The following LOC128125817 variants were observed in gnomAD, a reference collection of about 807,000 sequenced individuals.
At chr1:41,623,232 T>C in the LOC128125817 span, among the ~76,000 whole-genome samples, 2 of 152,252 alleles carry the variant, frequency 1.3e-5, no homozygotes, top group African/African-American at 4.8e-5. Flanking sequence ...GTGTGGCTAT[T>C]TTGGAGAAGC....
At chr1:41,596,162 A>G in the LOC128125817 span, among the ~76,000 whole-genome samples, 18 of 152,118 alleles carry the variant, frequency 1.2e-4, no homozygotes, top group Non-Finnish European at 2.6e-4. Flanking sequence ...GACGAGATAA[A>G]GTCCCAAACT....
At chr1:41,587,196 C>T in the LOC128125817 span, among the ~76,000 whole-genome samples, 1 of 152,158 alleles carries the variant, frequency 6.6e-6, no homozygotes, top group African/African-American at 2.4e-5. Flanking sequence ...AATGACACCC[C>T]TCTGGTCATT....
the LOC128125817 span, among the ~76,000 whole-genome samples, chr1:41,589,720 G>T: frequency 6.6e-6 from 1 of 152,204 alleles, no homozygotes; most frequent in Non-Finnish European, 1.5e-5. Context: ...GCTGGGGCAA[G>T]ATAGGGGCAG....
At chr1:41,600,835 G>A in the LOC128125817 span, among the ~76,000 whole-genome samples, 12 of 152,028 alleles carry the variant, frequency 7.9e-5, no homozygotes, top group African/African-American at 2.9e-4. Flanking sequence ...TTTCTCCTAT[G>A]TTTTCTTCTA....
chr1:41,611,735 C>T, the LOC128125817 span, among the ~76,000 whole-genome samples: 8 of 152,256 alleles, frequency 5.3e-5, no homozygotes, highest in Non-Finnish European at 1.0e-4. Flanking sequence ...CTTTCTCCCA[C>T]TGTCCTGGGC....
At chr1:41,606,140 G>A in the LOC128125817 span, among the ~76,000 whole-genome samples, 1 of 150,364 alleles carries the variant, frequency 6.7e-6, no homozygotes, top group South Asian at 2.1e-4. Context: ...AGAGTTTTTC[G>A]CATTCAACCT....
chr1:41,605,603 C>CTGTTTGGG, the LOC128125817 span, among the ~76,000 whole-genome samples: 152 of 151,982 alleles, frequency 1.0e-3, no homozygotes, highest in Middle Eastern at 0.01. Flanking sequence ...AAACAGGTTC[C>CTGTTTGGG]CAGTACAGGT....
chr1:41,618,333 G>A, the LOC128125817 span, among the ~76,000 whole-genome samples: 6 of 152,230 alleles, frequency 3.9e-5, no homozygotes, highest in African/African-American at 1.4e-4. Context: ...GCCAAGCCTT[G>A]TTCCTTCCTG....
chr1:41,590,903 G>A, the LOC128125817 span, among the ~76,000 whole-genome samples: 1 of 152,082 alleles, frequency 6.6e-6, no homozygotes, highest in Non-Finnish European at 1.5e-5. Flanking sequence ...GCTGAACCCT[G>A]GCTCCTCCAC....
At chr1:41,588,600 G>T in the LOC128125817 span, among the ~76,000 whole-genome samples, 1 of 152,054 alleles carries the variant, frequency 6.6e-6, no homozygotes, top group Non-Finnish European at 1.5e-5. Flanking sequence ...AGCACTGCCT[G>T]CCCAGGGTCA....
At chr1:41,622,495 G>A in the LOC128125817 span, among the ~76,000 whole-genome samples, 5 of 152,278 alleles carry the variant, frequency 3.3e-5, no homozygotes, top group East Asian at 1.9e-4. Context: ...AAATCCAGCC[G>A]GCTGCCTGTT....
chr1:41,587,187 A>G, the LOC128125817 span, among the ~76,000 whole-genome samples: 2 of 152,192 alleles, frequency 1.3e-5, no homozygotes, highest in African/African-American at 4.8e-5. Flanking sequence ...TATGTCTTCA[A>G]TGACACCCCT....
chr1:41,606,684 A>G, the LOC128125817 span, among the ~76,000 whole-genome samples: 5 of 151,946 alleles, frequency 3.3e-5, no homozygotes, highest in African/African-American at 1.2e-4. Context: ...TCCAGAAAAT[A>G]TAGGTGACTG....
chr1:41,603,664 A>G, the LOC128125817 span, among the ~76,000 whole-genome samples: 1 of 152,154 alleles, frequency 6.6e-6, no homozygotes, highest in East Asian at 1.9e-4. Context: ...CTGGCCTGCT[A>G]TTGATTTCTA....
the LOC128125817 span, among the ~76,000 whole-genome samples, chr1:41,626,417 T>C: frequency 6.6e-6 from 1 of 152,178 alleles, no homozygotes; most frequent in Non-Finnish European, 1.5e-5. Context: ...CTCATTTCCC[T>C]CTGGGCAAGT....
the LOC128125817 span, among the ~76,000 whole-genome samples, chr1:41,591,492 T>C: frequency 1.3e-5 from 2 of 151,994 alleles, no homozygotes; most frequent in East Asian, 3.9e-4. Context: ...TGGGATACTT[T>C]TCAGATTGAA....
the LOC128125817 span, among the ~76,000 whole-genome samples, chr1:41,616,174 G>A: frequency 6.6e-6 from 1 of 152,008 alleles, no homozygotes; most frequent in South Asian, 2.1e-4. Context: ...TTTCAGACAG[G>A]TCATGGTGTC....
the LOC128125817 span, among the ~76,000 whole-genome samples, chr1:41,588,385 T>C: frequency 6.6e-6 from 1 of 152,170 alleles, no homozygotes; most frequent in Non-Finnish European, 1.5e-5. Context: ...AAATGATCAA[T>C]CTGAGTGGGG....
At chr1:41,614,587 T>C in the LOC128125817 span, among the ~76,000 whole-genome samples, 1 of 152,318 alleles carries the variant, frequency 6.6e-6, no homozygotes, top group Admixed American at 6.5e-5. Context: ...TTTTGTCTTT[T>C]TGCAATTTTA....
Sources: gnomAD v4.1 joint callset for allele counts (sites outside exome capture counted in the v4.1 genomes callset) on GRCh38, gnomAD v4.1.1 for gene constraint, MANE v1.5 for transcripts.